EXOC4: variants seen among roughly 807,000 people sequenced by gnomAD.
EXOC4 encodes exocyst complex component 4.
Under a neutral mutation model 107.2 loss-of-function variants are expected in EXOC4, and 71 were observed. That is an observed-to-expected ratio of 0.66 (90% CI 0.55 to 0.81). The LOEUF (loss-of-function observed/expected upper bound fraction) is 0.81, where lower values mean the gene tolerates loss of function less well. EXOC4 is among the 30% of genes least tolerant of loss of function. The pLI, the probability that EXOC4 is intolerant of heterozygous loss-of-function variation, is 0.00. For missense variants in EXOC4, 1,108 were observed against 1,189.6 expected (o/e 0.93, Z 1.01); for synonymous variants, 456 against 441.2 (o/e 1.03, Z -0.42).
chr7:133,566,745 A>T (rs1800913694), intron 9 of EXOC4, among the ~76,000 whole-genome samples: 1 of 152,220 alleles, frequency 6.6e-6, no homozygotes, highest in African/African-American at 2.4e-5. Context: ...CATAGAATAG[A>T]TACTCAATAA....
chr7:133,593,427 T>C (rs1021695348), intron 9 of EXOC4, among the ~76,000 whole-genome samples: 5 of 152,316 alleles, frequency 3.3e-5, no homozygotes, highest in African/African-American at 1.2e-4. Flanking sequence ...CAGCTAGAAA[T>C]CTTTAAGCCA....
At chr7:133,752,011 AAATT>A (rs1369764233) in intron 10 of EXOC4, among the ~76,000 whole-genome samples, 2 of 151,690 alleles carry the variant, frequency 1.3e-5, no homozygotes, top group African/African-American at 2.4e-5. Flanking sequence ...ATAAATAAAT[AAATT>A]ATCTGGGCAC....
At chr7:133,305,837 A>T in intron 3 of EXOC4, 40 bp from the exon 4 acceptor site, 1 of 1,498,816 alleles carries the variant, frequency 6.7e-7, no homozygotes, top group Non-Finnish European at 9.0e-7. Flanking sequence ...CCAGGTTATT[A>T]AGTTGTACTT....
chr7:133,725,137 C>T (rs1034638677), intron 10 of EXOC4, among the ~76,000 whole-genome samples: 3 of 152,192 alleles, frequency 2.0e-5, no homozygotes, highest in Non-Finnish European at 4.4e-5. Flanking sequence ...GTTGCCAATG[C>T]ACCTGAGGAA....
intron 3 of EXOC4, among the ~76,000 whole-genome samples, chr7:133,305,178 C>A (rs1372560173): frequency 1.3e-5 from 2 of 151,684 alleles, no homozygotes; most frequent in Non-Finnish European, 2.9e-5. Flanking sequence ...CATTCCTATA[C>A]CAGTTTGATT....
intron 11 of EXOC4, among the ~76,000 whole-genome samples, chr7:133,863,917 G>GT: frequency 6.6e-6 from 1 of 152,062 alleles, no homozygotes; most frequent in Non-Finnish European, 1.5e-5. Context: ...CCATTGAGTT[G>GT]TTTGTTTTCT....
At chr7:133,311,155 T>A (rs527818834) in intron 4 of EXOC4, among the ~76,000 whole-genome samples, 260 of 152,262 alleles carry the variant, frequency 1.7e-3, no homozygotes, top group African/African-American at 6.0e-3. Context: ...CAGTTGAAAA[T>A]TTTGAAACTG....
intron 16 of EXOC4, 24 bp from the exon 17 acceptor site, chr7:134,007,652 C>T (rs144748504): frequency 7.7e-5 from 122 of 1,583,378 alleles, no homozygotes; most frequent in Admixed American, 2.0e-4. Flanking sequence ...GTTTTCTTTG[C>T]CCCGCACTGT....
At chr7:133,620,443 T>G (rs1802302636) in intron 9 of EXOC4, among the ~76,000 whole-genome samples, 1 of 152,198 alleles carries the variant, frequency 6.6e-6, no homozygotes, top group Non-Finnish European at 1.5e-5. Context: ...ACCATATGAC[T>G]TAGCAATTTC....
At chr7:133,941,825 C>G (rs570052655) in intron 14 of EXOC4, among the ~76,000 whole-genome samples, 9 of 149,412 alleles carry the variant, frequency 6.0e-5, no homozygotes, top group Non-Finnish European at 1.2e-4. Context: ...TACAGATTCT[C>G]TCTCTCTCTC....
intron 7 of EXOC4, among the ~76,000 whole-genome samples, chr7:133,407,497 C>T (rs951454763): frequency 2.0e-5 from 3 of 152,014 alleles, no homozygotes; most frequent in Admixed American, 6.6e-5. Flanking sequence ...ATCAAGTCTA[C>T]GATTGGGTAT....
chr7:133,568,880 T>G (rs535751726), intron 9 of EXOC4, among the ~76,000 whole-genome samples: 1 of 152,266 alleles, frequency 6.6e-6, no homozygotes, highest in Non-Finnish European at 1.5e-5. Flanking sequence ...ACTGAAGGAT[T>G]TATTTAGAAG....
At chr7:133,497,950 A>G (rs539249120) in intron 9 of EXOC4, among the ~76,000 whole-genome samples, 1 of 152,266 alleles carries the variant, frequency 6.6e-6, no homozygotes, top group East Asian at 1.9e-4. Flanking sequence ...GCTTTATAGT[A>G]TGAGATACCC....
At chr7:134,080,634 G>A in the EXOC4 span, among the ~76,000 whole-genome samples, 1 of 151,980 alleles carries the variant, frequency 6.6e-6, no homozygotes, top group South Asian at 2.1e-4. Context: ...GAGGTGGACA[G>A]ATTCAGGAAA....
At chr7:133,827,458 A>T (rs1011855003) in intron 11 of EXOC4, among the ~76,000 whole-genome samples, 2 of 152,312 alleles carry the variant, frequency 1.3e-5, no homozygotes, top group Middle Eastern at 3.4e-3. Context: ...GACAGAAAAA[A>T]ATTATTTAAC....
chr7:133,262,700 A>T (rs943032461), intron 1 of EXOC4, among the ~76,000 whole-genome samples: 2 of 152,220 alleles, frequency 1.3e-5, no homozygotes, highest in Admixed American at 1.3e-4. Context: ...ACCTGAGCTG[A>T]ATCTGCATTT....
chr7:133,578,648 G>A (rs1801185649), intron 9 of EXOC4, among the ~76,000 whole-genome samples: 2 of 152,180 alleles, frequency 1.3e-5, no homozygotes, highest in Admixed American at 1.3e-4. Flanking sequence ...TTATGCTTGA[G>A]AGTTAAAGTA....
chr7:133,885,263 A>C (rs1799057036), intron 11 of EXOC4, among the ~76,000 whole-genome samples: 1 of 151,728 alleles, frequency 6.6e-6, no homozygotes, highest in Non-Finnish European at 1.5e-5. Flanking sequence ...GCAGTGAGCC[A>C]AGATCGCGCT....
At chr7:133,437,765 T>G (rs1338596447) in intron 7 of EXOC4, among the ~76,000 whole-genome samples, 1 of 152,204 alleles carries the variant, frequency 6.6e-6, no homozygotes, top group Non-Finnish European at 1.5e-5. Context: ...TATTGTCAAG[T>G]GTTCCCCATC....
Sources: gnomAD v4.1 joint callset for allele counts (sites outside exome capture counted in the v4.1 genomes callset) on GRCh38, gnomAD v4.1.1 for gene constraint, MANE v1.5 for transcripts, NCBI Gene and HGNC (gene_info 2026-07-23, HGNC 2026-07-21) for gene names.